The following RBMS3 variants were observed in gnomAD, a reference collection of about 807,000 sequenced individuals.
RBMS3 encodes the protein RNA-binding motif, single-stranded-interacting protein 3.
RBMS3 carries 27 observed loss-of-function variants against 66.8 expected under a neutral mutation model. The ratio of observed to expected loss-of-function variants is 0.40; its 90% confidence interval spans 0.30 to 0.56. The LOEUF is 0.56. Ranked by LOEUF, RBMS3 falls within the 20% of genes least tolerant of loss-of-function variation. RBMS3 has a pLI of 0.40. For synonymous variants in RBMS3, 188 were observed against 183.0 expected (o/e 1.03, Z -0.22); for missense variants, 513 against 549.5 (o/e 0.93, Z 0.66).
At chr3:29,477,675 C>T (rs2042994375) in intron 2 of RBMS3, among the ~76,000 whole-genome samples, 1 of 149,672 alleles carries the variant, frequency 6.7e-6, no homozygotes, top group Admixed American at 6.7e-5. Flanking sequence ...AAATTAGCTA[C>T]TTGGGGATGA....
chr3:29,836,801 A>ATC (rs905058525), intron 6 of RBMS3, among the ~76,000 whole-genome samples: 2 of 151,270 alleles, frequency 1.3e-5, no homozygotes, highest in African/African-American at 4.9e-5. Flanking sequence ...ATATATATAT[A>ATC]TCTGAAAACA....
chr3:29,515,773 G>A (rs1442035616), intron 3 of RBMS3, among the ~76,000 whole-genome samples: 1 of 152,146 alleles, frequency 6.6e-6, no homozygotes, highest in Non-Finnish European at 1.5e-5. Context: ...CATTACATTT[G>A]CAGTACATGC....
At chr3:29,473,010 G>T (rs202036772) in intron 2 of RBMS3, among the ~76,000 whole-genome samples, 3 of 85,224 alleles carry the variant, frequency 3.5e-5, no homozygotes, top group Non-Finnish European at 7.2e-5. Context: ...GGTTCTCCAC[G>T]TCCCCATCAG....
intron 4 of RBMS3, among the ~76,000 whole-genome samples, chr3:29,628,409 G>T (rs2049148748): frequency 6.6e-6 from 1 of 152,092 alleles, no homozygotes; most frequent in Non-Finnish European, 1.5e-5. Flanking sequence ...CTACCTCTCA[G>T]AATGGACTTC....
intron 1 of RBMS3, among the ~76,000 whole-genome samples, chr3:29,349,816 T>C (rs1381219000): frequency 1.3e-5 from 2 of 152,194 alleles, no homozygotes; most frequent in African/African-American, 4.8e-5. Context: ...AACTAATTTT[T>C]TGTTTCTCTT....
At chr3:29,926,837 A>C (rs2060951501) in intron 10 of RBMS3, 2 of 152,226 alleles carry the variant, frequency 1.3e-5, no homozygotes, top group South Asian at 4.1e-4. Context: ...GGAGGTATAC[A>C]AAGTGATTGC....
chr3:29,284,814 C>G (rs1056933562), intron 1 of RBMS3, among the ~76,000 whole-genome samples: 1 of 148,972 alleles, frequency 6.7e-6, no homozygotes, highest in African/African-American at 2.5e-5. Context: ...TCACACCTCA[C>G]GTCTTTAAAA....
At chr3:29,285,999 T>C (rs887161116) in intron 1 of RBMS3, among the ~76,000 whole-genome samples, 1 of 152,182 alleles carries the variant, frequency 6.6e-6, no homozygotes, top group Admixed American at 6.5e-5. Flanking sequence ...TTTGCATTGA[T>C]ATCCAGTTGG....
intron 5 of RBMS3, among the ~76,000 whole-genome samples, chr3:29,754,155 TG>T (rs1462654625): frequency 2.6e-5 from 4 of 152,222 alleles, no homozygotes; most frequent in Admixed American, 1.3e-4. Flanking sequence ...GGTTTCACCA[TG>T]TTGGCCAGGC....
intron 1 of RBMS3, among the ~76,000 whole-genome samples, chr3:29,296,383 C>A (rs2033263823): frequency 6.6e-6 from 1 of 151,738 alleles, no homozygotes; most frequent in Non-Finnish European, 1.5e-5. Flanking sequence ...ATGTGTACAA[C>A]TGTATTTCTT....
chr3:29,962,007 A>G (rs1213053981), intron 12 of RBMS3, among the ~76,000 whole-genome samples: 2 of 144,360 alleles, frequency 1.4e-5, no homozygotes, highest in Non-Finnish European at 3.0e-5. Flanking sequence ...TATATATATT[A>G]TATATTTTTA....
Position 30,009,714 on chromosome 3 carries a change from CTTA to C in RBMS3, c.*5856_*5858del, listed in dbSNP as rs1381958061. On this transcript the variant is annotated 3_prime_UTR_variant, in exon 15 of 15. Coordinates refer to ENST00000383767, the MANE Select transcript of RBMS3 (RefSeq NM_001003793.3). ...TTTTCATTACATTTTGACTGCGTTACTTATTAAGGCCGAATGACTTTGACACCC... is the reference window on the plus strand; with the variant it reads ...TTTTCATTACATTTTGACTGCGTTACTTAAGGCCGAATGACTTTGACACCC... The C allele has an allele frequency of 6.6e-6, 1 of 152,106 alleles. No individual in the cohort carries two copies. The highest frequency in any genetic ancestry group is 1.5e-5 in the Non-Finnish European group (1 of 68,000). The allele number at this position is 152,106 out of a possible 1,614,324, so 9.4% of individuals were successfully genotyped here.
chr3:29,735,980 T>G (rs1405146319), intron 4 of RBMS3, among the ~76,000 whole-genome samples: 1 of 152,170 alleles, frequency 6.6e-6, no homozygotes, highest in African/African-American at 2.4e-5. Flanking sequence ...TGATTGCAGT[T>G]ATCTTGTGAA....
At chr3:29,720,709 TGTGTGTGA>T (rs1380160828) in intron 4 of RBMS3, among the ~76,000 whole-genome samples, 3 of 151,270 alleles carry the variant, frequency 2.0e-5, no homozygotes, top group Non-Finnish European at 2.9e-5. Flanking sequence ...TGTGTGTGTG[TGTGTGTGA>T]GTGTGTGTGT....
intron 4 of RBMS3, among the ~76,000 whole-genome samples, chr3:29,660,741 G>A (rs1224411498): frequency 5.3e-5 from 8 of 152,090 alleles, no homozygotes; most frequent in Admixed American, 4.6e-4. Flanking sequence ...CTTTCTCAGG[G>A]CATGTGTGGT....
At chr3:29,955,596 A>C (rs1285151672) in intron 12 of RBMS3, among the ~76,000 whole-genome samples, 1 of 152,028 alleles carries the variant, frequency 6.6e-6, no homozygotes, top group Non-Finnish European at 1.5e-5. Context: ...CTCTTCATGA[A>C]GTATGCCTTG....
chr3:29,362,162 T>C (rs961563099), intron 1 of RBMS3, among the ~76,000 whole-genome samples: 2 of 152,230 alleles, frequency 1.3e-5, no homozygotes, highest in African/African-American at 4.8e-5. Context: ...TTCTGTTTTT[T>C]CCCCATCTTT....
chr3:29,800,222 ATTTTT>A (rs201912230), intron 6 of RBMS3, among the ~76,000 whole-genome samples: 6,313 of 147,786 alleles, frequency 0.043, 197 homozygotes, highest in Admixed American at 0.075. Context: ...AAAGGCCTTA[ATTTTT>A]TTTTTTTACC....
chr3:29,681,074 G>A (rs1449424103), intron 4 of RBMS3, among the ~76,000 whole-genome samples: 2 of 152,078 alleles, frequency 1.3e-5, no homozygotes, highest in Non-Finnish European at 2.9e-5. Context: ...TACATTACAG[G>A]GTAGCTGTGG....
Sources: allele counts gnomAD v4.1 joint callset (sites outside exome capture counted in the v4.1 genomes callset), GRCh38; gene constraint gnomAD v4.1.1; transcripts MANE v1.5; gene names NCBI Gene and HGNC (gene_info 2026-07-23, HGNC 2026-07-21).